Variants in CCDC144A observed in about 807,000 individuals in gnomAD.
CCDC144A encodes coiled-coil domain containing 144A, also known as coiled-coil domain-containing protein 144A.
CCDC144A carries 41 observed loss-of-function variants against 143.8 expected under a neutral mutation model. That is an observed-to-expected ratio of 0.29 (90% CI 0.22 to 0.37). The LOEUF (loss-of-function observed/expected upper bound fraction) is 0.37. Among genes scored for constraint, CCDC144A ranks in the 10% least tolerant of loss-of-function variants. The pLI is 1.00. For missense variants in CCDC144A, 637 were observed against 1,488.8 expected (o/e 0.43, Z 9.41); for synonymous variants, 242 against 517.9 (o/e 0.47, Z 7.23).
chr17:16,769,042 G>A (rs1915721750), intron 15 of CCDC144A, among the ~76,000 whole-genome samples: 1 of 152,146 alleles, frequency 6.6e-6, no homozygotes, highest in South Asian at 2.1e-4. Context: ...CTAATGGGAG[G>A]ATGTGGCTCA....
chr17:16,678,581 TTTTC>T, the CCDC144A span, among the ~76,000 whole-genome samples: 2 of 136,396 alleles, frequency 1.5e-5, no homozygotes, highest in Non-Finnish European at 3.1e-5. Flanking sequence ...TTTCTTTTTC[TTTTC>T]TTTTTTTTTT....
rs1914507170 is a variant in CCDC144A at position 16,746,286 on chromosome 17, T to TG, written c.3372+10644dup. 25 of 1,201,136 alleles carry TG rather than the reference T, an allele frequency of 2.1e-5. No homozygotes were observed. The South Asian group carries it at 3.9e-4, about 19-fold the overall frequency. 74.4% of individuals were successfully genotyped at this position (1,201,136 alleles called of 1,614,324 possible). A position where few individuals can be genotyped will look rare whatever the true frequency, so the allele number is the denominator to read the frequency against. Reference sequence around the variant, plus strand: ...CTCTCTCTCTCTTTTTTTTTTTTTTTGCATCTTTCTTCTTTTCTTCTTTTT... The same window carrying TG: ...CTCTCTCTCTCTTTTTTTTTTTTTTTGGCATCTTTCTTCTTTTCTTCTTTTT... On this transcript the variant is annotated intron_variant, in intron 12 of 16. Transcript: ENST00000399273.
chr17:16,678,656 C>T, the CCDC144A span, among the ~76,000 whole-genome samples: 2 of 148,490 alleles, frequency 1.3e-5, no homozygotes, highest in African/African-American at 5.0e-5. Flanking sequence ...TCACAGCTCA[C>T]TGCAGCCTTG....
At chr17:16,747,297 T>A (rs986279020) in intron 12 of CCDC144A, among the ~76,000 whole-genome samples, 1 of 152,172 alleles carries the variant, frequency 6.6e-6, no homozygotes, top group African/African-American at 2.4e-5. Context: ...CCGTGCTGAT[T>A]TGTTTAGTGT....
chr17:16,673,029 T>A, the CCDC144A span, among the ~76,000 whole-genome samples: 1 of 152,126 alleles, frequency 6.6e-6, no homozygotes. Flanking sequence ...AGTTTTAAAT[T>A]TAACAAATGA....
the CCDC144A span, among the ~76,000 whole-genome samples, chr17:16,675,891 C>T: frequency 3.3e-5 from 5 of 151,914 alleles, no homozygotes; most frequent in South Asian, 2.1e-4. Context: ...TACAGGCGCC[C>T]GCCACCAAGC....
At position 16,705,788 on chromosome 17, in the gene CCDC144A, T is replaced by C. The variant is rs368768560; in HGVS notation, c.664+389T>C. 13 of 258,246 alleles carry C rather than the reference T, an allele frequency of 5.0e-5. No individual in the cohort carries two copies. In the South Asian group the frequency reaches 5.4e-4, roughly 11 times the overall value. The allele number at this position is 258,246 out of a possible 1,614,324, so 16.0% of individuals were successfully genotyped here. A position where few individuals can be genotyped will look rare whatever the true frequency, so the allele number is the denominator to read the frequency against. ...TTCACAGCTGTTAGTTATAACTATATGCACTACAATTTAAAAGACACCTTC... is the reference window on the plus strand; with the variant it reads ...TTCACAGCTGTTAGTTATAACTATACGCACTACAATTTAAAAGACACCTTC... On this transcript the variant is annotated intron_variant, in intron 3 of 16. Transcript: ENST00000399273.
intron 11 of CCDC144A, 88 bp from the exon 12 acceptor site, chr17:16,734,602 C>A (rs1254812875): frequency 1.5e-6 from 2 of 1,324,622 alleles, no homozygotes; most frequent in African/African-American, 1.5e-5. Context: ...TTATGGCAAT[C>A]TTTTCATTGT....
chr17:16,761,922 CTCACTAGA>C, intron 13 of CCDC144A, among the ~76,000 whole-genome samples: 2 of 152,312 alleles, frequency 1.3e-5, no homozygotes, highest in South Asian at 4.1e-4. Context: ...AAGAATAATT[CTCACTAGA>C]GAATCATTTA....
At chr17:16,704,192 G>A (rs1335949694) in intron 2 of CCDC144A, among the ~76,000 whole-genome samples, 5 of 152,120 alleles carry the variant, frequency 3.3e-5, no homozygotes, top group African/African-American at 1.2e-4. Flanking sequence ...GGTGGCTCAC[G>A]CCTGTAAATC....
At chr17:16,716,560 TAATCAG>T (rs1416891319) in intron 6 of CCDC144A, among the ~76,000 whole-genome samples, 2 of 152,228 alleles carry the variant, frequency 1.3e-5, no homozygotes, top group African/African-American at 4.8e-5. Flanking sequence ...AGCATATAAT[TAATCAG>T]AATATTGCTA....
chr17:16,745,880 T>C (rs1471205096), intron 12 of CCDC144A: 1 of 1,594,534 alleles, frequency 6.3e-7, no homozygotes, highest in Non-Finnish European at 8.5e-7. Flanking sequence ...TCCCTCTGTC[T>C]TGGCCAGGTC....
At position 16,709,639 on chromosome 17, in the gene CCDC144A, G is replaced by A. The variant is rs1454900893; in HGVS notation, c.1578+4G>A. On this transcript the variant is annotated splice_donor_region_variant and intron_variant, in intron 5 of 16. Coordinates refer to ENST00000399273, the MANE Select transcript of CCDC144A (RefSeq NM_001382000.1). The stretch of plus-strand genomic sequence containing the variant: ...AGATGTTCAACTTCATAAAGATGTA[G>A]GGTTTTACTTGCTGCCACTCTTTGT... 1 of 1,610,086 alleles carries A rather than the reference G, an allele frequency of 6.2e-7. No homozygotes were observed. The highest frequency in any genetic ancestry group is 8.5e-7 in the Non-Finnish European group (1 of 1,179,344).
At chr17:16,746,039 A>G in intron 12 of CCDC144A, 1 of 1,611,314 alleles carries the variant, frequency 6.2e-7, no homozygotes, top group Non-Finnish European at 8.5e-7. Context: ...GCTCTTTATC[A>G]CTGCCGCTGT....
chr17:16,696,627 C>G (rs1167050114), intron 2 of CCDC144A, among the ~76,000 whole-genome samples: 1 of 140,936 alleles, frequency 7.1e-6, no homozygotes, highest in African/African-American at 2.7e-5. Flanking sequence ...GAGCAAGACT[C>G]TGTCTCAAAA....
At chr17:16,758,641 C>CT in intron 12 of CCDC144A, among the ~76,000 whole-genome samples, 1 of 152,254 alleles carries the variant, frequency 6.6e-6, no homozygotes, top group East Asian at 1.9e-4. Flanking sequence ...GAACCATCCT[C>CT]TGTGGCTTTT....
chr17:16,685,723 G>T (rs192582898), upstream of CCDC144A, among the ~76,000 whole-genome samples: 77 of 152,134 alleles, frequency 5.1e-4, no homozygotes, highest in Admixed American at 7.9e-4. Context: ...CTGATTTTAC[G>T]GGGGGAGTGG....
chr17:16,764,277 G>A, intron 15 of CCDC144A, 102 bp downstream of exon 15: 1 of 1,533,116 alleles, frequency 6.5e-7, no homozygotes, highest in Non-Finnish European at 8.8e-7. Context: ...GTAAGTAAAA[G>A]TAATAATTAC....
chr17:16,678,997 G>A, the CCDC144A span, among the ~76,000 whole-genome samples: 10 of 151,666 alleles, frequency 6.6e-5, no homozygotes, highest in Non-Finnish European at 1.2e-4. Context: ...CAGGTGATCC[G>A]CCCGCCTCGG....
Sources: allele counts gnomAD v4.1 joint callset (sites outside exome capture counted in the v4.1 genomes callset), GRCh38; gene constraint gnomAD v4.1.1; transcripts MANE v1.5; gene names NCBI Gene and HGNC (gene_info 2026-07-23, HGNC 2026-07-21).